TUBA3D: variants seen among roughly 807,000 people sequenced by gnomAD.
The protein encoded by TUBA3D is tubulin alpha-3D chain.
TUBA3D carries 24 observed loss-of-function variants against 36.1 expected under a neutral mutation model. That is an observed-to-expected ratio of 0.66 (90% CI 0.48 to 0.93). The LOEUF (loss-of-function observed/expected upper bound fraction) is 0.93. TUBA3D is among the 40% of genes least tolerant of loss of function. The pLI is 0.00. For synonymous variants in TUBA3D, 185 were observed against 247.2 expected (o/e 0.75, Z 2.36); for missense variants, 356 against 614.5 (o/e 0.58, Z 4.45).
In TUBA3D at chr2:131,478,738, A is replaced by G. The variant is rs552410065; in HGVS notation, c.226+352A>G. 5 of 355,012 alleles carry G rather than the reference A, an allele frequency of 1.4e-5. No individual in the cohort carries two copies. The South Asian group carries it at 1.5e-4, about 11-fold the overall frequency. The allele number at this position is 355,012 out of a possible 1,614,324, so 22.0% of individuals were successfully genotyped here. On this transcript the variant is annotated intron_variant, in intron 2 of 4. Transcript: ENST00000321253. ...GTGCATTCTCTTATGCTGGTGCACTAGAGTCTTGACCTGCATCTTAGGCAT... is the reference window on the plus strand; with the variant it reads ...GTGCATTCTCTTATGCTGGTGCACTGGAGTCTTGACCTGCATCTTAGGCAT...
Position 131,478,393 on chromosome 2 carries a change from G to A in TUBA3D, c.226+7G>A. ...CTGGAGCCCACTGTGGTCGGTAGGT[G>A]CCTGGGCACTGGATGGCAGCTTTCC... On this transcript the variant is annotated splice_region_variant and intron_variant, in intron 2 of 4. Coordinates refer to ENST00000321253, the MANE Select transcript of TUBA3D (RefSeq NM_080386.4). The A allele has an allele frequency of 1.2e-6, 2 of 1,606,486 alleles. No homozygotes were observed. Among genetic ancestry groups the A allele is most frequent in the Non-Finnish European group, 1.7e-6 (2 of 1,174,864 alleles).
intron 4 of TUBA3D, among the ~76,000 whole-genome samples, chr2:131,481,383 C>T (rs1559351041): frequency 6.6e-6 from 1 of 151,890 alleles, no homozygotes; most frequent in Non-Finnish European, 1.5e-5. Context: ...ATTCTCTCAC[C>T]TCAGCCTCCC....
intron 3 of TUBA3D, among the ~76,000 whole-genome samples, chr2:131,479,765 G>A (rs766213412): frequency 1.4e-4 from 21 of 152,098 alleles, no homozygotes; most frequent in African/African-American, 1.7e-4. Context: ...GCTTGAACCC[G>A]GAAGGCGGAG....
In TUBA3D at chr2:131,479,220, G is replaced by A. The variant is rs545655494; in HGVS notation, c.227-88G>A. On this transcript the variant is annotated intron_variant, in intron 2 of 4. Coordinates refer to ENST00000321253, the MANE Select transcript of TUBA3D (RefSeq NM_080386.4). The stretch of plus-strand genomic sequence containing the variant: ...AGGTCATGTACTTTGAACAGCATGT[G>A]CTCTGTAGAAGTGAACACTCCTGGA... 6 of 1,532,680 alleles carry A rather than the reference G, an allele frequency of 3.9e-6. No individual in the cohort carries two copies. The East Asian group carries it at 1.1e-4, about 29-fold the overall frequency. 94.9% of individuals were successfully genotyped at this position (1,532,680 alleles called of 1,614,324 possible).
chr2:131,477,017 T>G (rs1226808896), intron 1 of TUBA3D, among the ~76,000 whole-genome samples: 1 of 142,134 alleles, frequency 7.0e-6, no homozygotes, highest in Admixed American at 6.7e-5. Context: ...AGTTATCCTT[T>G]TTTTCCTTTC....
chr2:131,481,689 C>A (rs888705855), intron 4 of TUBA3D, among the ~76,000 whole-genome samples: 1 of 151,770 alleles, frequency 6.6e-6, no homozygotes, highest in African/African-American at 2.4e-5. Flanking sequence ...CCCGCCTTAG[C>A]CTCCCAAGTG....
At chr2:131,480,041 T>A in intron 3 of TUBA3D, 28 bp from the exon 4 acceptor site, 1 of 1,546,940 alleles carries the variant, frequency 6.5e-7, no homozygotes, top group Non-Finnish European at 8.7e-7. Context: ...TCCATGGGCA[T>A]TGGCTCACGT....
chr2:131,482,656 C>G lies in TUBA3D; in HGVS notation c.1161C>G (p.Ala387=), dbSNP rs761937486. Reference sequence around the variant, plus strand: ...GCAACACCACGGCCATTGCGGAGGCCTGGGCCCGCCTGGACCATAAGTTCG... The same window carrying G: ...GCAACACCACGGCCATTGCGGAGGCGTGGGCCCGCCTGGACCATAAGTTCG... ...MLSNTTAIAE[A]WARLDHKFDL... The change falls in exon 5 of 5, where the codon GCC becomes GCG. Residue 387 remains alanine (A), a synonymous_variant. Transcript: ENST00000321253. 12 of 1,614,190 alleles carry G rather than the reference C, an allele frequency of 7.4e-6. No individual in the cohort carries two copies. The highest frequency in any genetic ancestry group is 9.3e-6 in the Non-Finnish European group (11 of 1,180,046).
intron 3 of TUBA3D, among the ~76,000 whole-genome samples, chr2:131,479,764 C>T (rs1481513834): frequency 6.6e-6 from 1 of 152,102 alleles, no homozygotes; most frequent in East Asian, 1.9e-4. Context: ...TGCTTGAACC[C>T]GGAAGGCGGA....
In TUBA3D at chr2:131,479,448, C is replaced by T. The variant is rs374982894; in HGVS notation, c.367C>T (p.Arg123Cys). ...TGTTGACCTAGTCCTGGACCGGATCCGCAAACTGGTAAGAAGAGAAGGTTT... is the reference window on the plus strand; with the variant it reads ...TGTTGACCTAGTCCTGGACCGGATCTGCAAACTGGTAAGAAGAGAAGGTTT... ...EIVDLVLDRI[R>C]KLADLCTGLQ... The change falls in exon 3 of 5, where the codon CGC becomes TGC. Residue 123 changes from arginine (R) to cysteine (C), a missense_variant. Physicochemically the swap from Arg to Cys is radical, Grantham distance 180. Around this residue, in one of 3 missense-constraint regions of TUBA3D, gnomAD observed 91 missense variants for 240.9 expected, o/e 0.38. Coordinates refer to ENST00000321253, the MANE Select transcript of TUBA3D (RefSeq NM_080386.4). The T allele has an allele frequency of 1.7e-5, 28 of 1,613,928 alleles. No homozygotes were observed. The highest frequency in any genetic ancestry group is 1.1e-4 in the South Asian group (10 of 91,064).
In TUBA3D at chr2:131,479,420, G is replaced by C. The variant is rs994682745; in HGVS notation, c.339G>C (p.Glu113Asp). Residue 113 changes from glutamate (E) to aspartate (D), a missense_variant, in exon 3 of 5, where the codon GAG becomes GAC. By Grantham distance (45) the Glu-to-Asp change is conservative. Coordinates refer to ENST00000321253, the MANE Select transcript of TUBA3D (RefSeq NM_080386.4). The stretch of plus-strand genomic sequence containing the variant: ...GGGGCCATTACACCATCGGCAAGGA[G>C]ATTGTTGACCTAGTCCTGGACCGGA... ...YARGHYTIGK[E>D]IVDLVLDRIR... is the part of the protein sequence containing the mutation. 13 of 1,614,106 alleles carry C rather than the reference G, an allele frequency of 8.1e-6. No homozygotes were observed. Among genetic ancestry groups the C allele is most frequent in the East Asian group, 2.2e-5 (1 of 44,902 alleles).
intron 4 of TUBA3D, among the ~76,000 whole-genome samples, chr2:131,482,316 C>T (rs1345779871): frequency 2.0e-5 from 3 of 152,200 alleles, no homozygotes; most frequent in Non-Finnish European, 4.4e-5. Flanking sequence ...TACTAGGACA[C>T]AGCCCTTTAG....
At chr2:131,476,740 C>T (rs1248802088) in intron 1 of TUBA3D, among the ~76,000 whole-genome samples, 1 of 152,140 alleles carries the variant, frequency 6.6e-6, no homozygotes, top group East Asian at 1.9e-4. Flanking sequence ...TCAAGATCAG[C>T]CCGACCAACA....
rs2621996 is a variant in TUBA3D, at chr2:131,478,144, T to A, written c.4-20T>A. 3.4e-4 allele frequency: 550 copies of A among 1,605,360 alleles called. 6 individuals are homozygous for A. The African/African-American group carries it at 6.5e-3, about 19-fold the overall frequency. ...GTTGCCTTGAAATGAATGGGTTCAC[T>A]TTTATGTTCCTGTTCACAGCGCGAG... On this transcript the variant is annotated intron_variant, in intron 1 of 4. Transcript: ENST00000321253.
rs769925507 is a variant in TUBA3D, at chr2:131,476,180, C to T, written c.-20C>T. The T allele has an allele frequency of 6.2e-7, 1 of 1,613,912 alleles. No individual in the cohort carries two copies. The highest frequency in any genetic ancestry group is 8.5e-7 in the Non-Finnish European group (1 of 1,179,980). ...GTTGAGGTCTGGCAGTAGCGTTGGG[C>T]TGAAGCAGCGGAGTTCGCCATGGTA... On this transcript the variant is annotated 5_prime_UTR_variant, in exon 1 of 5. Coordinates refer to ENST00000321253, the MANE Select transcript of TUBA3D (RefSeq NM_080386.4).
At chr2:131,476,270 G>A (rs1678664289) in intron 1 of TUBA3D, 68 bp downstream of exon 1, 1 of 1,611,596 alleles carries the variant, frequency 6.2e-7, no homozygotes, top group East Asian at 2.2e-5. Context: ...GTGGACAGAG[G>A]GACGTTGTTG....
rs749861322 is a variant in TUBA3D, at chr2:131,476,211, C to T, written c.3+9C>T. On this transcript the variant is annotated intron_variant, in intron 1 of 4. Transcript: ENST00000321253. Reference sequence around the variant, plus strand: ...CAGCGGAGTTCGCCATGGTAAGGCCCGGGTCACTCCCGCCCCGCAGATGCC... The same window carrying T: ...CAGCGGAGTTCGCCATGGTAAGGCCTGGGTCACTCCCGCCCCGCAGATGCC... 7 of 1,613,900 alleles carry T rather than the reference C, an allele frequency of 4.3e-6. No individual in the cohort carries two copies. The highest frequency in any genetic ancestry group is 1.7e-4 in the Middle Eastern group (1 of 5,880).
At chr2:131,477,655 G>C (rs1016958122) in intron 1 of TUBA3D, among the ~76,000 whole-genome samples, 2 of 151,082 alleles carry the variant, frequency 1.3e-5, no homozygotes, top group African/African-American at 4.9e-5. Context: ...CTGTTCTCAA[G>C]GGTCAGCCTT....
At position 131,482,578 on chromosome 2, in the gene TUBA3D, A is replaced by C. The variant is rs774855162; in HGVS notation, c.1083A>C (p.Thr361=). 3 of 1,610,888 alleles carry C rather than the reference A, an allele frequency of 1.9e-6. No individual in the cohort carries two copies. Among genetic ancestry groups the C allele is most frequent in the African/African-American group, 2.7e-5 (2 of 74,850 alleles). ...FKVGINYQPP[T]VVPGGDLAKV... is the part of the protein sequence containing the mutation. ...TGGGCATTAACTACCAGCCCCCCACAGTGGTCCCCGGGGGAGACCTGGCCA... is the reference window on the plus strand; with the variant it reads ...TGGGCATTAACTACCAGCCCCCCACCGTGGTCCCCGGGGGAGACCTGGCCA... Residue 361 remains threonine (T), a synonymous_variant, in exon 5 of 5, where the codon ACA becomes ACC. Transcript: ENST00000321253.
Sources: allele counts gnomAD v4.1 joint callset (sites outside exome capture counted in the v4.1 genomes callset), GRCh38; gene constraint gnomAD v4.1.1; regional missense constraint gnomAD v4.1.1; transcripts MANE v1.5; gene names NCBI Gene and HGNC (gene_info 2026-07-23, HGNC 2026-07-21).